MYO18B: variants seen among roughly 807,000 people sequenced by gnomAD.
MYO18B encodes the protein unconventional myosin-XVIIIb.
MYO18B carries 204 observed loss-of-function variants against 273.0 expected under a neutral mutation model. The ratio of observed to expected loss-of-function variants is 0.75; its 90% CI spans 0.67 to 0.84. MYO18B has a LOEUF of 0.84. Ranked by LOEUF, MYO18B falls within the 40% of genes least tolerant of loss-of-function variation. MYO18B has a pLI of 0.00. For synonymous variants in MYO18B, 1,330 were observed against 1,305.7 expected (o/e 1.02, Z -0.40); for missense variants, 3,212 against 3,287.6 (o/e 0.98, Z 0.56).
intron 40 of MYO18B, among the ~76,000 whole-genome samples, chr22:25,993,241 C>T (rs534566680): frequency 5.3e-4 from 80 of 152,274 alleles, no homozygotes; most frequent in African/African-American, 1.8e-3. Context: ...ACTCCTGTAG[C>T]ATTCTGTTCC....
intron 12 of MYO18B, among the ~76,000 whole-genome samples, chr22:25,808,887 C>T (rs955703877): frequency 7.2e-5 from 11 of 152,080 alleles, no homozygotes; most frequent in South Asian, 6.2e-4. Flanking sequence ...TTGTTATTAA[C>T]GAAAAATCAG....
At chr22:26,019,111 C>G (rs1409652241) in intron 42 of MYO18B, among the ~76,000 whole-genome samples, 1 of 152,124 alleles carries the variant, frequency 6.6e-6, no homozygotes, top group Non-Finnish European at 1.5e-5. Context: ...AGACTCAACA[C>G]CTACACTGCT....
chr22:25,750,739 C>T (rs1311745883), intron 1 of MYO18B, among the ~76,000 whole-genome samples: 3 of 152,244 alleles, frequency 2.0e-5, no homozygotes, highest in Middle Eastern at 3.4e-3. Context: ...CAGGTGACAG[C>T]GGGTGTTTGG....
At chr22:26,002,017 T>C (rs1215534117) in intron 40 of MYO18B, among the ~76,000 whole-genome samples, 1 of 152,190 alleles carries the variant, frequency 6.6e-6, no homozygotes, top group Non-Finnish European at 1.5e-5. Context: ...CCAATAAAAC[T>C]TTTTCCCTGT....
rs2145891644 is a variant in MYO18B, at chr22:25,823,567, G to A, written c.2584G>A (p.Glu862Lys). Residue 862 changes from glutamate (E) to lysine (K), a missense_variant, in exon 13 of 44, where the codon GAG becomes AAG. Transcript: ENST00000335473. ...CTACGCAGCTGAGGCCCTGGGCTGC[G>A]AGTATGAGGAGCTGAACACGGCCAC... Reference protein sequence around the residue: ...ANYAAEALGCEYEELNTATFK... With the variant: ...ANYAAEALGCKYEELNTATFK... 1 of 1,613,994 alleles carries A rather than the reference G, an allele frequency of 6.2e-7. No homozygotes were observed. The highest frequency in any genetic ancestry group is 8.5e-7 in the Non-Finnish European group (1 of 1,179,894).
intron 39 of MYO18B, among the ~76,000 whole-genome samples, chr22:25,980,295 TG>T (rs911947391): frequency 2.0e-5 from 3 of 152,210 alleles, no homozygotes; most frequent in Admixed American, 1.3e-4. Context: ...GTTGCCTAAA[TG>T]TTAACTTTCC....
At chr22:25,977,587 A>G (rs1390881649) in intron 39 of MYO18B, among the ~76,000 whole-genome samples, 2 of 152,156 alleles carry the variant, frequency 1.3e-5, no homozygotes, top group Non-Finnish European at 2.9e-5. Flanking sequence ...GGGGCATTAC[A>G]ATAGTTTGGC....
chr22:25,870,351 C>T (rs1722649865), intron 22 of MYO18B, among the ~76,000 whole-genome samples: 1 of 152,194 alleles, frequency 6.6e-6, no homozygotes, highest in Admixed American at 6.5e-5. Flanking sequence ...CAGCCTATTG[C>T]TCCTAAGCTA....
At chr22:26,054,706 C>T in the MYO18B span, among the ~76,000 whole-genome samples, 5 of 152,084 alleles carry the variant, frequency 3.3e-5, no homozygotes, top group Non-Finnish European at 7.4e-5. Context: ...ATTTTTTCCT[C>T]ACAGAGCCCA....
At chr22:25,964,096 C>T (rs567124692) in intron 39 of MYO18B, 2 of 152,134 alleles carry the variant, frequency 1.3e-5, no homozygotes, top group Non-Finnish European at 2.9e-5. Context: ...TACCCTTGAC[C>T]GAAGACTGGT....
In MYO18B at chr22:25,843,937, G is replaced by A. The variant is rs1226856373; in HGVS notation, c.3368+43G>A. The A allele has an allele frequency of 2.5e-6, 4 of 1,572,990 alleles. No individual in the cohort carries two copies. In the African/African-American group the frequency reaches 4.0e-5, roughly 16 times the overall value. On this transcript the variant is annotated intron_variant, in intron 18 of 43. Coordinates refer to ENST00000335473, the MANE Select transcript of MYO18B (RefSeq NM_032608.7). ...TGGGGACGGGGATGGAGCATTGGAG[G>A]CACTGTGTTTTCCTTCCCACCTAAA...
the MYO18B span, among the ~76,000 whole-genome samples, chr22:26,040,366 T>C: frequency 6.6e-6 from 1 of 152,194 alleles, no homozygotes; most frequent in Admixed American, 6.5e-5. Context: ...AATTTATCCA[T>C]AAAACACCTA....
rs2092835692 is a variant in MYO18B, at chr22:25,955,231, C to T, written c.6023C>T (p.Ser2008Leu). 1 of 1,613,218 alleles carries T rather than the reference C, an allele frequency of 6.2e-7. No homozygotes were observed. ...DSLIKMGEELSQAATSESQQR... is the reference protein window; with the variant it reads ...DSLIKMGEELLQAATSESQQR... The stretch of plus-strand genomic sequence containing the variant: ...CTGATCAAGATGGGGGAGGAGCTTT[C>T]ACAGGCGGCCACCTCCGAGTCCCAG... Residue 2008 changes from serine (S) to leucine (L), a missense_variant, in exon 39 of 44, where the codon TCA becomes TTA. Ser to Leu is a moderately radical substitution (Grantham distance 145, BLOSUM62 -2). Coordinates refer to ENST00000335473, the MANE Select transcript of MYO18B (RefSeq NM_032608.7).
intron 39 of MYO18B, 137 bp downstream of exon 39, chr22:25,955,501 A>G: frequency 1.1e-6 from 1 of 909,234 alleles, no homozygotes; most frequent in South Asian, 2.3e-5. Context: ...AGCCAGGAGA[A>G]ACAAGAAGGG....
chr22:25,942,670 C>T (rs1487190074), intron 34 of MYO18B, among the ~76,000 whole-genome samples: 3 of 152,142 alleles, frequency 2.0e-5, no homozygotes, highest in African/African-American at 7.2e-5. Flanking sequence ...ATGGTGGCAC[C>T]TTTCTCCTAG....
At chr22:25,936,324 C>G (rs1280610564) in intron 34 of MYO18B, among the ~76,000 whole-genome samples, 1 of 152,050 alleles carries the variant, frequency 6.6e-6, no homozygotes, top group African/African-American at 2.4e-5. Context: ...TTCAAGCAGT[C>G]CTTAGATCCT....
intron 35 of MYO18B, among the ~76,000 whole-genome samples, 171 bp from the exon 36 acceptor site, chr22:25,947,541 C>CACA (rs2092728983): frequency 1.4e-5 from 2 of 141,204 alleles, no homozygotes; most frequent in Admixed American, 1.4e-4. Flanking sequence ...CACACACACA[C>CACA]ACCAAGCTGT....
chr22:25,834,602 C>G (rs2089831482), intron 16 of MYO18B, among the ~76,000 whole-genome samples: 1 of 152,180 alleles, frequency 6.6e-6, no homozygotes, highest in African/African-American at 2.4e-5. Flanking sequence ...GTTGCATTTC[C>G]TCTATAACAA....
At chr22:26,044,755 A>G in the MYO18B span, among the ~76,000 whole-genome samples, 1 of 152,322 alleles carries the variant, frequency 6.6e-6, no homozygotes, top group East Asian at 1.9e-4. Context: ...CGTGGAGAAA[A>G]CAGCAACTGT....
Sources: allele counts gnomAD v4.1 joint callset (sites outside exome capture counted in the v4.1 genomes callset), GRCh38; gene constraint gnomAD v4.1.1; transcripts MANE v1.5; gene names NCBI Gene and HGNC (gene_info 2026-07-23, HGNC 2026-07-21).